Variants in DOCK4 observed in about 807,000 individuals in gnomAD.
The protein encoded by DOCK4 is dedicator of cytokinesis protein 4.
In DOCK4, 97 loss-of-function variants were observed where a neutral mutation model predicts 268.1. The ratio of observed to expected loss-of-function variants is 0.36; its 90% CI spans 0.31 to 0.43. The LOEUF is 0.43. DOCK4 is among the 20% of genes least tolerant of loss of function. The pLI is 1.00. For synonymous variants in DOCK4, 954 were observed against 887.2 expected (o/e 1.08, Z -1.34); for missense variants, 2,145 against 2,455.7 (o/e 0.87, Z 2.67).
intron 38 of DOCK4, among the ~76,000 whole-genome samples, chr7:111,765,437 C>T (rs1247341395): frequency 2.0e-5 from 3 of 152,156 alleles, no homozygotes; most frequent in Non-Finnish European, 4.4e-5. Context: ...CAGGCCATAT[C>T]GTCTCTTCAC....
At chr7:111,908,401 T>A (rs1791786680) in intron 13 of DOCK4, among the ~76,000 whole-genome samples, 1 of 151,994 alleles carries the variant, frequency 6.6e-6, no homozygotes, top group Non-Finnish European at 1.5e-5. Flanking sequence ...TGAGCCGAGA[T>A]CGTGCCACTG....
At chr7:111,951,696 A>G (rs1344717174) in intron 8 of DOCK4, among the ~76,000 whole-genome samples, 2 of 151,704 alleles carry the variant, frequency 1.3e-5, no homozygotes, top group Non-Finnish European at 2.9e-5. Flanking sequence ...AAAATTAGCC[A>G]AGCATGGTGG....
chr7:111,879,927 T>C (rs114905292), intron 16 of DOCK4, among the ~76,000 whole-genome samples: 453 of 152,152 alleles, frequency 3.0e-3, no homozygotes, highest in African/African-American at 0.011. Flanking sequence ...ACTTCTACAA[T>C]ATCTAGAAAA....
At chr7:111,936,268 A>T (rs1269400408) in intron 11 of DOCK4, among the ~76,000 whole-genome samples, 1 of 152,186 alleles carries the variant, frequency 6.6e-6, no homozygotes, top group Non-Finnish European at 1.5e-5. Flanking sequence ...ACTCTTTCAG[A>T]TCTTCCACAT....
chr7:111,841,245 A>C (rs997175215), intron 25 of DOCK4, among the ~76,000 whole-genome samples: 6 of 151,188 alleles, frequency 4.0e-5, no homozygotes, highest in Admixed American at 4.0e-4. Flanking sequence ...GCTCACTGCA[A>C]CCTCCATCTC....
intron 5 of DOCK4, among the ~76,000 whole-genome samples, chr7:111,990,357 T>C (rs1382422655): frequency 6.6e-6 from 1 of 152,230 alleles, no homozygotes; most frequent in Non-Finnish European, 1.5e-5. Context: ...GCTATGCTTT[T>C]ACTTTCTACA....
intron 51 of DOCK4, among the ~76,000 whole-genome samples, chr7:111,733,943 TTTA>T (rs752410527): frequency 6.6e-6 from 1 of 152,098 alleles, no homozygotes; most frequent in Non-Finnish European, 1.5e-5. Flanking sequence ...TGGCACATAG[TTTA>T]TTGTGTTTTG....
At chr7:111,995,717 T>G (rs1025225923) in intron 4 of DOCK4, among the ~76,000 whole-genome samples, 3 of 152,198 alleles carry the variant, frequency 2.0e-5, no homozygotes, top group Non-Finnish European at 4.4e-5. Context: ...AATTGTCTTT[T>G]GTAAAATCTT....
chr7:112,006,970 G>C (rs747189641), intron 1 of DOCK4, among the ~76,000 whole-genome samples: 6 of 152,162 alleles, frequency 3.9e-5, no homozygotes, highest in African/African-American at 1.4e-4. Flanking sequence ...GCAGACCTCA[G>C]TGCTTTTACA....
chr7:112,062,661 A>G (rs1806530357), intron 1 of DOCK4, among the ~76,000 whole-genome samples: 1 of 152,116 alleles, frequency 6.6e-6, no homozygotes, highest in South Asian at 2.1e-4. Flanking sequence ...GTCCTTCTAG[A>G]TAGTACAATA....
intron 1 of DOCK4, among the ~76,000 whole-genome samples, chr7:112,194,237 T>C (rs1177967680): frequency 6.6e-6 from 1 of 152,194 alleles, no homozygotes; most frequent in East Asian, 1.9e-4. Context: ...TATCCCTGGG[T>C]CCATAGTCCA....
chr7:112,014,875 G>A (rs140957466), intron 1 of DOCK4, among the ~76,000 whole-genome samples: 48 of 152,050 alleles, frequency 3.2e-4, no homozygotes, highest in Non-Finnish European at 5.3e-4. Context: ...ACTGCACTCC[G>A]GCCTGAGAAA....
rs542457989 is a variant in DOCK4, at chr7:112,001,440, T to G, written c.122-906A>C. Among the ~76,000 whole-genome samples the G allele has an allele frequency of 2.6e-5, 4 of 152,284 alleles. No individual in the cohort carries two copies. In the South Asian group the frequency reaches 8.3e-4, roughly 32 times the overall value. Reference sequence around the variant, plus strand: ...ACCCATTAGTTATTTACTAGCCCTCTCGGTTACCAGATTGAGGATCACAGT... The same window carrying G: ...ACCCATTAGTTATTTACTAGCCCTCGCGGTTACCAGATTGAGGATCACAGT... On this transcript the variant is annotated intron_variant, in intron 2 of 52. Coordinates refer to ENST00000428084, the MANE Select transcript of DOCK4 (RefSeq NM_001363540.2).
chr7:111,817,054 T>C (rs774278668), intron 27 of DOCK4, among the ~76,000 whole-genome samples: 2 of 152,222 alleles, frequency 1.3e-5, no homozygotes, highest in Non-Finnish European at 2.9e-5. Context: ...ATCACTCATA[T>C]GGCAATAGCC....
intron 26 of DOCK4, 148 bp downstream of exon 26, chr7:111,834,440 C>G (rs1803078809): frequency 1.6e-6 from 1 of 611,170 alleles, no homozygotes; most frequent in Non-Finnish European, 2.8e-6. Context: ...TATAGATGAG[C>G]AGATCTGTGG....
chr7:111,812,814 G>A (rs1801237998), intron 27 of DOCK4, among the ~76,000 whole-genome samples: 1 of 152,164 alleles, frequency 6.6e-6, no homozygotes. Context: ...CTATAACCCA[G>A]TACGAAGCTG....
At chr7:112,139,977 C>A (rs864046) in intron 1 of DOCK4, among the ~76,000 whole-genome samples, 141,758 of 152,170 alleles carry the variant, frequency 0.93, 66,032 homozygotes, top group South Asian at 0.98. Context: ...TTATCTCTAG[C>A]ATTTTAGTTA....
intron 35 of DOCK4, among the ~76,000 whole-genome samples, chr7:111,781,909 T>C (rs111507327): frequency 2.0e-5 from 3 of 152,312 alleles, no homozygotes; most frequent in African/African-American, 7.2e-5. Context: ...CTATATGGCA[T>C]GTGAGGAACT....
chr7:111,734,335 TACC>T (rs904019435), intron 51 of DOCK4, among the ~76,000 whole-genome samples: 6 of 152,124 alleles, frequency 3.9e-5, no homozygotes, highest in African/African-American at 1.4e-4. Context: ...TACAGGTGTG[TACC>T]ACCACACCTG....
Sources: allele counts gnomAD v4.1 joint callset (sites outside exome capture counted in the v4.1 genomes callset), GRCh38; gene constraint gnomAD v4.1.1; transcripts MANE v1.5; gene names NCBI Gene and HGNC (gene_info 2026-07-23, HGNC 2026-07-21).